The following CACNA1C variants were observed in gnomAD, a reference collection of about 807,000 sequenced individuals.
CACNA1C encodes the protein calcium voltage-gated channel subunit alpha1 C.
CACNA1C carries 30 observed loss-of-function variants against 229.0 expected under a neutral mutation model. The ratio of observed to expected loss-of-function variants is 0.13; its 90% CI spans 0.10 to 0.18. The LOEUF (loss-of-function observed/expected upper bound fraction) is 0.18, where lower values mean the gene tolerates loss of function less well. Ranked by LOEUF, CACNA1C falls within the 10% of genes least tolerant of loss-of-function variation. The pLI, the probability that CACNA1C is intolerant of heterozygous loss-of-function variation, is 1.00. For synonymous variants in CACNA1C, 1,114 were observed against 1,132.5 expected, an observed-to-expected ratio of 0.98 and a Z score of 0.33; for missense variants, 1,658 against 2,845.0, an observed-to-expected ratio of 0.58 and a Z score of 9.49.
At chr12:2,238,108 CAG>C (rs1477212772) in intron 3 of CACNA1C, among the ~76,000 whole-genome samples, 4 of 152,166 alleles carry the variant, frequency 2.6e-5, no homozygotes, top group Non-Finnish European at 5.9e-5. Context: ...TCAAAACAGA[CAG>C]AATCAGGTTT....
At chr12:2,484,657 A>T (rs1184016476) in intron 5 of CACNA1C, among the ~76,000 whole-genome samples, 1 of 151,910 alleles carries the variant, frequency 6.6e-6, no homozygotes, top group Non-Finnish European at 1.5e-5. Context: ...GGTAGCCCAG[A>T]TTTGGGGTTC....
chr12:2,540,245 C>T (rs994748156), intron 9 of CACNA1C, among the ~76,000 whole-genome samples: 12 of 152,134 alleles, frequency 7.9e-5, no homozygotes, highest in Admixed American at 1.3e-4. Flanking sequence ...CTCAACTGTC[C>T]GGCACCTAGG....
Position 2,486,425 on chromosome 12 carries a change from CT to C in CACNA1C, c.916+170del, listed in dbSNP as rs2099697721. 6.6e-6 allele frequency among the ~76,000 whole-genome samples: 1 copy of C among 152,210 alleles called. No individual in the cohort carries two copies. The highest frequency in any genetic ancestry group is 2.4e-5 in the African/African-American group (1 of 41,450). On this transcript the variant is annotated intron_variant, in intron 6 of 46. Coordinates refer to ENST00000399655, the MANE Select transcript of CACNA1C (RefSeq NM_000719.7). The surrounding 1 kb of genome is among the most constrained non-coding windows in gnomAD (Gnocchi z 4.9). ...TAAGTGAGAGGCAGAGACCCGTATCCTTTTTTTCTCAGTTCCAATTTTTGTT... is the reference window on the plus strand; with the variant it reads ...TAAGTGAGAGGCAGAGACCCGTATCCTTTTTTCTCAGTTCCAATTTTTGTT...
At position 2,695,409 on chromosome 12, in the gene CACNA1C, C is replaced by G; in HGVS notation, c.*4210C>G. ...GGGGGTGTCTGCCACCCTGTCCCCCCTCTGCTGATGTCCCTCCCCTCAGGC... is the reference window on the plus strand; with the variant it reads ...GGGGGTGTCTGCCACCCTGTCCCCCGTCTGCTGATGTCCCTCCCCTCAGGC... On this transcript the variant is annotated 3_prime_UTR_variant, in exon 47 of 47. Coordinates refer to ENST00000399655, the MANE Select transcript of CACNA1C (RefSeq NM_000719.7). The G allele has an allele frequency of 6.6e-6, 1 of 152,388 alleles. No individual in the cohort carries two copies. 9.4% of individuals were successfully genotyped at this position (152,388 alleles called of 1,614,324 possible).
chr12:2,340,905 C>T (rs754666421), intron 3 of CACNA1C, among the ~76,000 whole-genome samples: 5 of 151,256 alleles, frequency 3.3e-5, no homozygotes, highest in South Asian at 2.1e-4. Flanking sequence ...TGCAGTGAGC[C>T]GAGATTGTGC....
chr12:2,534,550 T>C (rs992257016), intron 9 of CACNA1C, among the ~76,000 whole-genome samples: 5 of 152,218 alleles, frequency 3.3e-5, no homozygotes, highest in African/African-American at 1.2e-4. Context: ...AATTTTTTTT[T>C]CCAAGGCAAA....
At chr12:2,364,603 A>G (rs2097673473) in intron 3 of CACNA1C, among the ~76,000 whole-genome samples, 1 of 152,202 alleles carries the variant, frequency 6.6e-6, no homozygotes, top group Admixed American at 6.5e-5. Context: ...AGAACGTTTA[A>G]ATACACTCTT....
chr12:2,007,446 A>G (rs543991457), intron 1 of CACNA1C, among the ~76,000 whole-genome samples: 21 of 152,366 alleles, frequency 1.4e-4, no homozygotes, highest in Admixed American at 1.2e-3. Context: ...TATGACTACA[A>G]TTGCAAAGCA....
chr12:2,016,693 G>A (rs1008923796), intron 1 of CACNA1C, among the ~76,000 whole-genome samples: 1 of 152,160 alleles, frequency 6.6e-6, no homozygotes, highest in African/African-American at 2.4e-5. Context: ...GCCTCCCAAA[G>A]TGCTGAGATT....
At chr12:2,669,796 C>T (rs565355467) in intron 38 of CACNA1C, among the ~76,000 whole-genome samples, 1 of 152,294 alleles carries the variant, frequency 6.6e-6, no homozygotes, top group African/African-American at 2.4e-5. Flanking sequence ...TCACCTGTGC[C>T]ACCTAGTCAG....
Position 2,034,707 on chromosome 12 carries a change from A to G in CACNA1C, c.139+63506A>G. ...GATTTAAGCTCGTAGTTTCCCATTC[A>G]TGTATGTACTCACTTCTTCAAAAAA... On this transcript the variant is annotated intron_variant, in intron 1 of 46. Transcript: ENST00000682462. The surrounding 1 kb of genome is among the most constrained non-coding windows in gnomAD (Gnocchi z 4.1). Among the ~76,000 whole-genome samples, 1 of 152,196 alleles carries G rather than the reference A, an allele frequency of 6.6e-6. No homozygotes were observed. Among genetic ancestry groups the G allele is most frequent in the East Asian group, 1.9e-4 (1 of 5,204 alleles).
At chr12:2,503,978 C>T (rs548930217) in intron 7 of CACNA1C, among the ~76,000 whole-genome samples, 1 of 152,358 alleles carries the variant, frequency 6.6e-6, no homozygotes, top group East Asian at 1.9e-4. Context: ...TCTTTCCTCA[C>T]ACCTCCTCTG....
chr12:2,443,220 T>C (rs1596387668), intron 3 of CACNA1C, among the ~76,000 whole-genome samples: 1 of 152,182 alleles, frequency 6.6e-6, no homozygotes, highest in East Asian at 1.9e-4. Flanking sequence ...AATGGGAATA[T>C]AGGCATTGGG....
chr12:2,166,048 T>G (rs192540620), intron 3 of CACNA1C, among the ~76,000 whole-genome samples: 34 of 152,348 alleles, frequency 2.2e-4, no homozygotes, highest in African/African-American at 6.7e-4. Context: ...GGGTGAAACT[T>G]CAAAGACTTG....
intron 30 of CACNA1C, among the ~76,000 whole-genome samples, chr12:2,644,661 G>A (rs866900420): frequency 3.9e-5 from 6 of 151,990 alleles, no homozygotes; most frequent in South Asian, 2.1e-4. Flanking sequence ...CCTGAGTATC[G>A]CCCCTCAGCA....
At chr12:2,353,939 G>A (rs1318278381) in intron 3 of CACNA1C, among the ~76,000 whole-genome samples, 1 of 152,212 alleles carries the variant, frequency 6.6e-6, no homozygotes, top group Non-Finnish European at 1.5e-5. Context: ...TGGGCCTTCT[G>A]TGTGTGGCAG....
chr12:2,549,833 C>T lies in CACNA1C; in HGVS notation c.1391-110C>T. ...CAGCCAGCGTGCTCAGCCTCTCTTT[C>T]TGCCAACCCGCACTGGGTCTTGCGG... On this transcript the variant is annotated intron_variant, in intron 9 of 46. Transcript: ENST00000399655. 3.9e-6 allele frequency: 3 copies of T among 763,554 alleles called. No homozygotes were observed. The Admixed American group carries it at 6.1e-5, about 15-fold the overall frequency. The allele number at this position is 763,554 out of a possible 1,614,324, so 47.3% of individuals were successfully genotyped here. A position where few individuals can be genotyped will look rare whatever the true frequency, so the allele number is the denominator to read the frequency against.
intron 39 of CACNA1C, among the ~76,000 whole-genome samples, chr12:2,675,706 T>G (rs181643656): frequency 2.6e-5 from 4 of 152,376 alleles, no homozygotes; most frequent in Admixed American, 2.6e-4. Flanking sequence ...TGTGTTCATT[T>G]GCAAAATGAA....
intron 3 of CACNA1C, among the ~76,000 whole-genome samples, chr12:2,149,817 A>G (rs1417140960): frequency 2.0e-5 from 3 of 152,192 alleles, no homozygotes; most frequent in South Asian, 4.1e-4. Context: ...CTGCCGGTGG[A>G]TCCGGAGGCC....
Sources: allele counts gnomAD v4.1 joint callset (sites outside exome capture counted in the v4.1 genomes callset), GRCh38; gene constraint gnomAD v4.1.1; non-coding constraint Gnocchi (gnomAD v3.1); transcripts MANE v1.5; gene names NCBI Gene and HGNC (gene_info 2026-07-23, HGNC 2026-07-21).